AKT3: variants seen among roughly 807,000 people sequenced by gnomAD.
AKT3 encodes RAC-gamma serine/threonine-protein kinase.
In AKT3, 15 loss-of-function variants were observed where a neutral mutation model predicts 65.3. The observed-to-expected ratio is 0.23, with a 90% CI of 0.15 to 0.35. The LOEUF (loss-of-function observed/expected upper bound fraction) is 0.35. Ranked by LOEUF, AKT3 falls within the 10% of genes least tolerant of loss-of-function variation. AKT3 has a pLI of 1.00. For synonymous variants in AKT3, 206 were observed against 183.8 expected, an observed-to-expected ratio of 1.12 and a Z score of -0.98; for missense variants, 243 against 576.5, an observed-to-expected ratio of 0.42 and a Z score of 5.92.
chr1:243,584,865 T>A (rs1675674471), intron 8 of AKT3, among the ~76,000 whole-genome samples: 1 of 151,910 alleles, frequency 6.6e-6, no homozygotes, highest in Non-Finnish European at 1.5e-5. Context: ...CTCTCACCAC[T>A]CCTAGTCAAT....
chr1:243,848,460 C>A (rs1012564132), intron 1 of AKT3, among the ~76,000 whole-genome samples: 4 of 152,178 alleles, frequency 2.6e-5, no homozygotes, highest in African/African-American at 7.2e-5. Flanking sequence ...ACATATTTTG[C>A]AAGTGATACT....
intron 4 of AKT3, among the ~76,000 whole-genome samples, chr1:243,646,361 CTT>C (rs398053991): frequency 6.8e-6 from 1 of 146,436 alleles, no homozygotes; most frequent in African/African-American, 2.5e-5. Flanking sequence ...ATATATCCTA[CTT>C]TTTTTTTTTT....
intron 2 of AKT3, among the ~76,000 whole-genome samples, chr1:243,738,060 C>T (rs554923175): frequency 6.6e-6 from 1 of 152,258 alleles, no homozygotes; most frequent in African/African-American, 2.4e-5. Context: ...AGACTCTTCA[C>T]CAAAAAAGAA....
intron 2 of AKT3, among the ~76,000 whole-genome samples, chr1:243,736,259 T>G (rs1229204286): frequency 6.6e-6 from 1 of 152,172 alleles, no homozygotes; most frequent in Non-Finnish European, 1.5e-5. Context: ...AAAGCTTAGG[T>G]TATTTTATAT....
At chr1:243,793,266 A>G (rs545630827) in intron 2 of AKT3, 1 of 152,204 alleles carries the variant, frequency 6.6e-6, no homozygotes, top group Non-Finnish European at 1.5e-5. Context: ...TTTTTTACAT[A>G]TTTTTAGGGA....
chr1:243,589,420 C>T (rs190731437), intron 8 of AKT3, among the ~76,000 whole-genome samples: 2 of 151,126 alleles, frequency 1.3e-5, no homozygotes, highest in Non-Finnish European at 2.9e-5. Flanking sequence ...CCAGCAGATA[C>T]ATGAAAAGGT....
chr1:243,549,521 T>C (rs1672896867), intron 11 of AKT3, among the ~76,000 whole-genome samples: 1 of 152,116 alleles, frequency 6.6e-6, no homozygotes, highest in Admixed American at 6.5e-5. Flanking sequence ...CTCGACCTCC[T>C]GGGCTCCAGC....
chr1:243,580,049 C>T (rs377520591), intron 8 of AKT3, among the ~76,000 whole-genome samples: 1 of 151,976 alleles, frequency 6.6e-6, no homozygotes, highest in African/African-American at 2.4e-5. Context: ...TGCTTTTCCC[C>T]AAGAGGGTGG....
chr1:243,642,459 GC>G (rs1468908015), intron 5 of AKT3, among the ~76,000 whole-genome samples: 6 of 152,220 alleles, frequency 3.9e-5, no homozygotes, highest in South Asian at 2.1e-4. Flanking sequence ...ACAGGCGCCC[GC>G]CACCACGCCT....
chr1:243,544,728 G>T (rs1446699014), intron 12 of AKT3, among the ~76,000 whole-genome samples: 1 of 144,110 alleles, frequency 6.9e-6, no homozygotes, highest in Non-Finnish European at 1.5e-5. Context: ...TTAAGAGATT[G>T]GGTCTCACTC....
intron 2 of AKT3, among the ~76,000 whole-genome samples, chr1:243,705,433 G>A (rs1685737599): frequency 6.6e-6 from 1 of 152,054 alleles, no homozygotes; most frequent in African/African-American, 2.4e-5. Context: ...CTACCCTTAA[G>A]TATTCTGGTA....
intron 6 of AKT3, among the ~76,000 whole-genome samples, chr1:243,636,109 A>C (rs1168489481): frequency 6.6e-6 from 1 of 152,074 alleles, no homozygotes; most frequent in African/African-American, 2.4e-5. Context: ...AGTGAGGCTA[A>C]TATATAAAAG....
chr1:243,850,344 C>CGGCGGCGGGGAGAGGA (rs1558870250), upstream of AKT3, among the ~76,000 whole-genome samples: 9 of 141,372 alleles, frequency 6.4e-5, no homozygotes, highest in African/African-American at 2.3e-4. Flanking sequence ...GGAGAGAGGG[C>CGGCGGCGGGGAGAGGA]GGCGGCGGGG....
chr1:243,611,556 T>C (rs1280511427), intron 8 of AKT3, among the ~76,000 whole-genome samples: 1 of 152,050 alleles, frequency 6.6e-6, no homozygotes, highest in Non-Finnish European at 1.5e-5. Flanking sequence ...TGGTGATGCA[T>C]GCCTGTAGTC....
chr1:243,625,122 GTGTTT>G, intron 6 of AKT3: 4 of 122,322 alleles, frequency 3.3e-5, no homozygotes, highest in Non-Finnish European at 6.2e-5. Context: ...ACTGCAGTTT[GTGTTT>G]TTTTTTTTTT....
At chr1:243,659,610 A>G (rs1330583032) in intron 4 of AKT3, among the ~76,000 whole-genome samples, 1 of 152,190 alleles carries the variant, frequency 6.6e-6, no homozygotes, top group South Asian at 2.1e-4. Context: ...GCAAATATGT[A>G]TATGTGTTAT....
intron 2 of AKT3, among the ~76,000 whole-genome samples, chr1:243,772,994 AC>A (rs1172548547): frequency 7.5e-6 from 1 of 134,020 alleles, no homozygotes; most frequent in African/African-American, 2.8e-5. Flanking sequence ...CAATGAGAAC[AC>A]TTGGACACAG....
intron 2 of AKT3, among the ~76,000 whole-genome samples, chr1:243,782,919 C>G (rs977185713): frequency 6.6e-6 from 1 of 152,156 alleles, no homozygotes; most frequent in Non-Finnish European, 1.5e-5. Flanking sequence ...TCCTCACACC[C>G]TGGTATTCAA....
intron 12 of AKT3, among the ~76,000 whole-genome samples, chr1:243,515,747 T>C (rs1171914210): frequency 6.6e-6 from 1 of 152,150 alleles, no homozygotes; most frequent in East Asian, 1.9e-4. Context: ...TCCCAGCACT[T>C]TGGGAGGCCG....
Sources: allele counts gnomAD v4.1 joint callset (sites outside exome capture counted in the v4.1 genomes callset), GRCh38; gene constraint gnomAD v4.1.1; transcripts MANE v1.5; gene names NCBI Gene and HGNC (gene_info 2026-07-23, HGNC 2026-07-21).